RAI2: variants seen among roughly 807,000 people sequenced by gnomAD.
The protein encoded by RAI2 is retinoic acid induced 2.
RAI2 carries 5 observed loss-of-function variants against 15.3 expected under a neutral mutation model. The observed-to-expected ratio is 0.33, with a 90% confidence interval of 0.17 to 0.69. The LOEUF (loss-of-function observed/expected upper bound fraction) is 0.69, where lower values mean the gene tolerates loss of function less well. Ranked by LOEUF, RAI2 falls within the 30% of genes least tolerant of loss-of-function variation. The probability of loss-of-function intolerance (pLI) is 0.69; values close to 1 mark genes in which losing one functional copy is unlikely to be tolerated. For missense variants in RAI2, 424 were observed against 424.7 expected (o/e 1.00, Z 0.01); for synonymous variants, 191 against 184.0 (o/e 1.04, Z -0.31).
chrX:17,857,012 G>A (rs762325013), intron 1 of RAI2, among the ~76,000 whole-genome samples: 1 of 111,559 alleles, frequency 9.0e-6, no homozygotes, highest in East Asian at 2.8e-4. Context: ...AACATTGTGA[G>A]CCATGAAGGA....
chrX:17,852,170 C>A (rs1055382506), intron 1 of RAI2, among the ~76,000 whole-genome samples: 1 of 111,840 alleles, frequency 8.9e-6, no homozygotes, highest in Non-Finnish European at 1.9e-5. Flanking sequence ...ATTATTTATC[C>A]GCCTGAGCCC....
chrX:17,858,626 T>A (rs1182041000), intron 1 of RAI2, among the ~76,000 whole-genome samples: 1 of 111,890 alleles, frequency 8.9e-6, no homozygotes, highest in Non-Finnish European at 1.9e-5. Flanking sequence ...CACCTTCCAG[T>A]CTTTGATTTT....
At chrX:17,834,608 A>C (rs1165822355) in intron 1 of RAI2, among the ~76,000 whole-genome samples, 1 of 110,616 alleles carries the variant, frequency 9.0e-6, no homozygotes, top group East Asian at 2.8e-4. Context: ...TTTCCTGGGG[A>C]CAACCTAAGG....
chrX:17,848,661 C>G (rs1180837058), intron 1 of RAI2, among the ~76,000 whole-genome samples: 1 of 111,611 alleles, frequency 9.0e-6, no homozygotes, highest in East Asian at 2.8e-4. Flanking sequence ...GGCTTTTGCC[C>G]TCCAAAATGG....
chrX:17,835,722 C>A (rs1601925274), intron 1 of RAI2, among the ~76,000 whole-genome samples: 1 of 111,681 alleles, frequency 9.0e-6, no homozygotes. Context: ...TGTTCCCTTT[C>A]TTATGTGGAA....
intron 1 of RAI2, among the ~76,000 whole-genome samples, chrX:17,840,937 G>A (rs2067389751): frequency 2.7e-5 from 3 of 112,045 alleles, no homozygotes; most frequent in Non-Finnish European, 5.6e-5. Context: ...AACAAAACAG[G>A]TTTTGGGGAC....
At chrX:17,851,655 C>T (rs749872314) in intron 1 of RAI2, among the ~76,000 whole-genome samples, 6 of 111,496 alleles carry the variant, frequency 5.4e-5, no homozygotes, top group African/African-American at 2.0e-4. Context: ...ACACTGGTTT[C>T]TATGACCCTT....
chrX:17,834,740 G>A (rs1601924475), intron 1 of RAI2, among the ~76,000 whole-genome samples: 1 of 111,231 alleles, frequency 9.0e-6, no homozygotes, highest in African/African-American at 3.3e-5. Flanking sequence ...GGAAAAAGGA[G>A]GTTGAGGAGA....
chrX:17,838,310 T>C (rs773327977), intron 1 of RAI2, among the ~76,000 whole-genome samples: 1 of 112,184 alleles, frequency 8.9e-6, no homozygotes, highest in Non-Finnish European at 1.9e-5. Flanking sequence ...GTGTACTCTG[T>C]GACTTTACTG....
In RAI2 at chrX:17,847,023, T is replaced by C. The variant is rs377166362; in HGVS notation, c.-25+14075A>G. ...CTCTCTTGCCTGCCACCATGTAAGA[T>C]GTCCCTTTGCTCTTCCTTAGTCTTC... On this transcript the variant is annotated intron_variant, in intron 1 of 1. Transcript: ENST00000451717. Among the ~76,000 whole-genome samples, 180 of 112,038 alleles carry C rather than the reference T, an allele frequency of 1.6e-3. 1 individual carries two copies. In the East Asian group the frequency reaches 0.019, roughly 12 times the overall value.
chrX:17,822,127 T>C (rs1485171072), intron 1 of RAI2, among the ~76,000 whole-genome samples: 3 of 112,262 alleles, frequency 2.7e-5, no homozygotes, highest in Admixed American at 1.9e-4. Flanking sequence ...TTGGGTGTTA[T>C]GATCATACAA....
chrX:17,802,480 G>T (rs16980680), intron 1 of RAI2, among the ~76,000 whole-genome samples: 5,975 of 112,288 alleles, frequency 0.053, 400 homozygotes, highest in African/African-American at 0.18. Flanking sequence ...CTTGTCACAT[G>T]TGAATATGCT....
intron 1 of RAI2, among the ~76,000 whole-genome samples, chrX:17,833,308 G>C (rs1253534473): frequency 9.0e-6 from 1 of 111,462 alleles, no homozygotes; most frequent in African/African-American, 3.3e-5. Context: ...GATCACTTGA[G>C]GCCAGGAGTT....
intron 1 of RAI2, among the ~76,000 whole-genome samples, chrX:17,853,119 G>T (rs1015000056): frequency 2.0e-4 from 22 of 111,257 alleles, no homozygotes; most frequent in Admixed American, 1.1e-3. Flanking sequence ...ATATGAAAAA[G>T]AAATTAGGGA....
chrX:17,842,261 C>G (rs1048638691), intron 1 of RAI2, among the ~76,000 whole-genome samples: 1 of 111,489 alleles, frequency 9.0e-6, no homozygotes, highest in African/African-American at 3.3e-5. Context: ...GGAGAACAGA[C>G]CCAGTGGACA....
intron 1 of RAI2, among the ~76,000 whole-genome samples, chrX:17,842,178 T>G (rs2067405615): frequency 9.0e-6 from 1 of 111,328 alleles, no homozygotes; most frequent in Non-Finnish European, 1.9e-5. Flanking sequence ...CCTGAGAATT[T>G]GGCCCCTTTG....
chrX:17,818,309 C>T (rs979490961), intron 1 of RAI2, among the ~76,000 whole-genome samples: 4 of 112,163 alleles, frequency 3.6e-5, no homozygotes, highest in African/African-American at 1.3e-4. Flanking sequence ...AATACACTGG[C>T]ACCTACAGTG....
At chrX:17,858,918 C>T (rs989096621) in intron 1 of RAI2, among the ~76,000 whole-genome samples, 2 of 111,571 alleles carry the variant, frequency 1.8e-5, no homozygotes, top group Admixed American at 1.9e-4. Context: ...TCACTACCCC[C>T]AAGTTCCAGT....
intron 1 of RAI2, among the ~76,000 whole-genome samples, chrX:17,843,327 A>G (rs1488090105): frequency 9.0e-6 from 1 of 111,575 alleles, no homozygotes; most frequent in Non-Finnish European, 1.9e-5. Flanking sequence ...GAAAATCTGT[A>G]AAACCCAGTT....
Sources: gnomAD v4.1 joint callset for allele counts (sites outside exome capture counted in the v4.1 genomes callset) on GRCh38, gnomAD v4.1.1 for gene constraint, MANE v1.5 for transcripts, NCBI Gene and HGNC (gene_info 2026-07-23, HGNC 2026-07-21) for gene names.